Variants in PTPRM observed in about 807,000 individuals in gnomAD.
PTPRM encodes the protein protein tyrosine phosphatase receptor type M.
PTPRM carries 47 observed loss-of-function variants against 186.7 expected under a neutral mutation model. The observed-to-expected ratio is 0.25, with a 90% CI of 0.20 to 0.32. PTPRM has a LOEUF of 0.32. PTPRM is among the 10% of genes least tolerant of loss of function. The probability of loss-of-function intolerance (pLI) is 1.00; values close to 1 mark genes in which losing one functional copy is unlikely to be tolerated. For synonymous variants in PTPRM, 668 were observed against 674.9 expected (o/e 0.99, Z 0.16); for missense variants, 1,494 against 1,865.0 (o/e 0.80, Z 3.66).
intron 1 of PTPRM, among the ~76,000 whole-genome samples, chr18:7,759,649 C>G (rs1157893393): frequency 6.6e-6 from 1 of 152,136 alleles, no homozygotes; most frequent in Non-Finnish European, 1.5e-5. Context: ...TATCTAATAT[C>G]TAGTTATCCT....
intron 1 of PTPRM, among the ~76,000 whole-genome samples, chr18:7,596,978 C>T (rs1476866985): frequency 6.6e-6 from 1 of 152,078 alleles, no homozygotes; most frequent in Admixed American, 6.5e-5. Context: ...TTCAGCCTCC[C>T]CGGTAGCTAG....
intron 1 of PTPRM, among the ~76,000 whole-genome samples, chr18:7,604,521 C>T (rs886693404): frequency 3.3e-5 from 5 of 152,138 alleles, no homozygotes; most frequent in Non-Finnish European, 7.4e-5. Context: ...TGAAGTGGGC[C>T]CTGGAGGGGC....
At chr18:7,608,979 C>T (rs1234689506) in intron 1 of PTPRM, among the ~76,000 whole-genome samples, 1 of 152,128 alleles carries the variant, frequency 6.6e-6, no homozygotes, top group African/African-American at 2.4e-5. Context: ...CCCATAAGGT[C>T]GACTGATTAG....
At position 8,376,446 on chromosome 18, in the gene PTPRM, C is replaced by T. The variant is rs1404927261; in HGVS notation, c.3327-16C>T. 11 of 1,614,020 alleles carry T rather than the reference C, an allele frequency of 6.8e-6. No homozygotes were observed. The highest frequency in any genetic ancestry group is 8.5e-6 in the Non-Finnish European group (10 of 1,179,982). On this transcript the variant is annotated splice_polypyrimidine_tract_variant and intron_variant, in intron 25 of 32. Coordinates refer to ENST00000580170, the MANE Select transcript of PTPRM (RefSeq NM_001105244.2). ...GGTCCTTCTTCCTCCACTGACAGAC[C>T]CCCCTTTTCATTCAGTGCTGGTGCA...
Position 8,080,162 on chromosome 18 carries a change from A to G in PTPRM, c.1551+3598A>G, listed in dbSNP as rs1013150417. Among the ~76,000 whole-genome samples, 5 of 91,328 alleles carry G rather than the reference A, an allele frequency of 5.5e-5. No individual in the cohort carries two copies. The South Asian group carries it at 1.0e-3, about 19-fold the overall frequency. The allele number at this position is 91,328 out of a possible 152,430, so 59.9% of individuals were successfully genotyped here. On this transcript the variant is annotated intron_variant, in intron 9 of 32. Coordinates refer to ENST00000580170, the MANE Select transcript of PTPRM (RefSeq NM_001105244.2). The stretch of plus-strand genomic sequence containing the variant: ...CTGTTGATGGGAACACACATTTTGC[A>G]GTCTTTTTTTTTGTAGGCAATTAGG...
chr18:8,027,456 A>G (rs985512945), intron 7 of PTPRM, among the ~76,000 whole-genome samples: 3 of 152,204 alleles, frequency 2.0e-5, no homozygotes, highest in Non-Finnish European at 4.4e-5. Flanking sequence ...TCTAGAATCT[A>G]TTTTATATGG....
intron 1 of PTPRM, among the ~76,000 whole-genome samples, chr18:7,724,440 C>T (rs1476812064): frequency 6.6e-6 from 1 of 152,174 alleles, no homozygotes; most frequent in African/African-American, 2.4e-5. Flanking sequence ...AAATATGGCT[C>T]TTGACAAGTA....
At chr18:8,340,873 A>G (rs535014253) in intron 22 of PTPRM, among the ~76,000 whole-genome samples, 48 of 152,198 alleles carry the variant, frequency 3.2e-4, no homozygotes, top group Non-Finnish European at 3.8e-4. Context: ...TGAGAATTTA[A>G]AAAAATCTCC....
chr18:8,195,741 G>A (rs1465637473), intron 14 of PTPRM, among the ~76,000 whole-genome samples: 11 of 152,192 alleles, frequency 7.2e-5, no homozygotes, highest in Non-Finnish European at 1.6e-4. Flanking sequence ...ACTCCAGTTA[G>A]TGGAAGAGTG....
intron 11 of PTPRM, among the ~76,000 whole-genome samples, chr18:8,100,050 C>T (rs1008767087): frequency 2.0e-5 from 3 of 151,984 alleles, no homozygotes; most frequent in East Asian, 3.9e-4. Flanking sequence ...AAGACCATGG[C>T]GGAAGACAAA....
At chr18:8,130,952 CGTAGA>C (rs1219011802) in intron 13 of PTPRM, among the ~76,000 whole-genome samples, 1 of 152,126 alleles carries the variant, frequency 6.6e-6, no homozygotes, top group Non-Finnish European at 1.5e-5. Flanking sequence ...CAAAAATGCA[CGTAGA>C]GTAGAGCACA....
chr18:8,281,124 A>G (rs1268165730), intron 19 of PTPRM, among the ~76,000 whole-genome samples: 1 of 152,248 alleles, frequency 6.6e-6, no homozygotes, highest in Non-Finnish European at 1.5e-5. Context: ...TGAACATCAT[A>G]TCCCACAGCA....
chr18:7,767,574 G>T (rs1169237382), intron 1 of PTPRM, among the ~76,000 whole-genome samples: 1 of 151,948 alleles, frequency 6.6e-6, no homozygotes, highest in African/African-American at 2.4e-5. Context: ...ACTACTCTTG[G>T]ATCAACTGAA....
At chr18:7,846,679 G>A (rs572569522) in intron 2 of PTPRM, among the ~76,000 whole-genome samples, 3 of 152,298 alleles carry the variant, frequency 2.0e-5, no homozygotes, top group African/African-American at 7.2e-5. Context: ...TTTGCCTAGG[G>A]AAGCGCACAG....
intron 7 of PTPRM, among the ~76,000 whole-genome samples, chr18:8,008,514 C>T (rs1240807058): frequency 6.6e-6 from 1 of 152,132 alleles, no homozygotes; most frequent in Non-Finnish European, 1.5e-5. Context: ...CATCCTAGCT[C>T]TTGAATGCCT....
chr18:8,136,246 T>C (rs1166568807), intron 13 of PTPRM, among the ~76,000 whole-genome samples: 1 of 152,220 alleles, frequency 6.6e-6, no homozygotes, highest in Non-Finnish European at 1.5e-5. Context: ...AGTTGATAAC[T>C]TATTATTGAC....
chr18:8,226,221 GA>G lies in PTPRM; in HGVS notation c.2301-17832del, dbSNP rs560410365. Among the ~76,000 whole-genome samples the G allele has an allele frequency of 1.6e-3, 242 of 152,028 alleles. 1 individual carries two copies. The highest frequency in any genetic ancestry group is 5.1e-3 in the African/African-American group (212 of 41,460). On this transcript the variant is annotated intron_variant, in intron 14 of 32. Transcript: ENST00000580170. Reference sequence around the variant, plus strand: ...CTTTTGAGACTTCATTTTAATTTTTGAAAAAGCAATCCCTTCTGTTCCCCAT... The same window carrying G: ...CTTTTGAGACTTCATTTTAATTTTTGAAAAGCAATCCCTTCTGTTCCCCAT...
chr18:7,847,469 A>C (rs1486758984), intron 2 of PTPRM, among the ~76,000 whole-genome samples: 2 of 152,034 alleles, frequency 1.3e-5, no homozygotes, highest in Non-Finnish European at 2.9e-5. Context: ...GCCTGTCCAC[A>C]AATCTAGCTT....
intron 7 of PTPRM, among the ~76,000 whole-genome samples, chr18:8,008,980 A>T (rs939559693): frequency 6.6e-6 from 1 of 152,216 alleles, no homozygotes; most frequent in Non-Finnish European, 1.5e-5. Context: ...GCTTGAAGAC[A>T]GTTTAATGCT....
Sources: gnomAD v4.1 joint callset for allele counts (sites outside exome capture counted in the v4.1 genomes callset) on GRCh38, gnomAD v4.1.1 for gene constraint, MANE v1.5 for transcripts, NCBI Gene and HGNC (gene_info 2026-07-23, HGNC 2026-07-21) for gene names.